MYCT1: variants seen among roughly 807,000 people sequenced by gnomAD.
MYCT1 encodes the protein myc target protein 1.
In MYCT1, 12 loss-of-function variants were observed where a neutral mutation model predicts 15.0. The ratio of observed to expected loss-of-function variants is 0.80; its 90% CI spans 0.51 to 1.29. The LOEUF (loss-of-function observed/expected upper bound fraction) is 1.29. MYCT1 is among the 50% of genes most tolerant of loss of function. The pLI is 0.00. For synonymous variants in MYCT1, 104 were observed against 102.7 expected (o/e 1.01, Z -0.07); for missense variants, 287 against 279.1 (o/e 1.03, Z -0.20).
At position 152,698,962 on chromosome 6, in the gene MYCT1, T is replaced by C. The variant is rs537161950; in HGVS notation, c.196+864T>C. Among the ~76,000 whole-genome samples the C allele has an allele frequency of 3.9e-5, 6 of 152,218 alleles. No individual in the cohort carries two copies. In the South Asian group the frequency reaches 1.2e-3, roughly 32 times the overall value. The stretch of plus-strand genomic sequence containing the variant: ...TGGGGAGTTGACATGTACTCTTGGG[T>C]TCAGGGAAATTTTTATATTAAAGGA... On this transcript the variant is annotated intron_variant, in intron 1 of 1. Transcript: ENST00000367245.
rs2099724814 is a variant in MYCT1, at chr6:152,722,084, C to T, written c.539C>T (p.Thr180Ile). 6.2e-7 allele frequency: 1 copy of T among 1,614,038 alleles called. No individual in the cohort carries two copies. The highest frequency in any genetic ancestry group is 8.5e-7 in the Non-Finnish European group (1 of 1,180,022). ...FLQCPPLPVE[T>I]ESQLVTLPSS... Reference sequence around the variant, plus strand: ...CAATGTCCACCACTTCCTGTGGAAACTGAGAGTCAGCTGGTGACTCTCCCT... The same window carrying T: ...CAATGTCCACCACTTCCTGTGGAAATTGAGAGTCAGCTGGTGACTCTCCCT... The change falls in exon 2 of 2, where the codon ACT becomes ATT. Residue 180 changes from threonine to isoleucine, a missense_variant. Physicochemically the swap from Thr to Ile is moderately conservative, Grantham distance 89. Coordinates refer to ENST00000367245, the MANE Select transcript of MYCT1 (RefSeq NM_025107.3).
the MYCT1 span, among the ~76,000 whole-genome samples, chr6:152,745,025 G>A: frequency 1.3e-5 from 2 of 152,264 alleles, no homozygotes; most frequent in East Asian, 3.9e-4. Context: ...TGGAACAACT[G>A]AAGAACAAAG....
chr6:152,720,903 T>C lies in MYCT1; in HGVS notation c.197-839T>C, dbSNP rs191467086. Reference sequence around the variant, plus strand: ...CTAGTTTCATTCAAGAATATGTATTTAGTTTACAAGAGGCAGTAAGGTAGC... The same window carrying C: ...CTAGTTTCATTCAAGAATATGTATTCAGTTTACAAGAGGCAGTAAGGTAGC... On this transcript the variant is annotated intron_variant, in intron 1 of 1. Transcript: ENST00000367245. 1.2e-4 allele frequency among the ~76,000 whole-genome samples: 19 copies of C among 152,302 alleles called. No homozygotes were observed. In the East Asian group the frequency reaches 3.3e-3, roughly 26 times the overall value.
chr6:152,714,456 A>G (rs1443975209), intron 1 of MYCT1, among the ~76,000 whole-genome samples: 3 of 151,444 alleles, frequency 2.0e-5, no homozygotes, highest in Admixed American at 6.6e-5. Flanking sequence ...TTATTTTAAA[A>G]TGTATACCTA....
At chr6:152,734,666 ATT>A in the MYCT1 span, among the ~76,000 whole-genome samples, 3 of 147,030 alleles carry the variant, frequency 2.0e-5, no homozygotes, top group East Asian at 5.9e-4. Flanking sequence ...ATGCTTTGAC[ATT>A]TTTTTTTTTA....
rs78207563 is a variant in MYCT1 at position 152,701,392 on chromosome 6, C to G, written c.196+3294C>G. ...GAAAAGAACGTCTTGGCTAGAGATT[C>G]TGTGTGTGGTCGTTTCAGGGACATA... On this transcript the variant is annotated intron_variant, in intron 1 of 1. Transcript: ENST00000367245. 9.3e-4 allele frequency among the ~76,000 whole-genome samples: 141 copies of G among 152,318 alleles called. 1 individual carries two copies. In the East Asian group the frequency reaches 0.026, roughly 28 times the overall value.
the MYCT1 span, among the ~76,000 whole-genome samples, chr6:152,735,121 A>G: frequency 6.6e-6 from 1 of 152,218 alleles, no homozygotes; most frequent in Non-Finnish European, 1.5e-5. Context: ...GGAGAATAAA[A>G]CATACAAAGA....
chr6:152,699,891 C>T (rs914430414), intron 1 of MYCT1, among the ~76,000 whole-genome samples: 1 of 151,786 alleles, frequency 6.6e-6, no homozygotes, highest in Non-Finnish European at 1.5e-5. Flanking sequence ...GAATTAAAAC[C>T]TGTTATTTCA....
chr6:152,715,728 A>G (rs553461583), intron 1 of MYCT1, among the ~76,000 whole-genome samples: 1 of 152,304 alleles, frequency 6.6e-6, no homozygotes, highest in African/African-American at 2.4e-5. Flanking sequence ...AAAAGACCTG[A>G]AATTAACCAT....
chr6:152,698,163 AT>A, intron 1 of MYCT1, 65 bp downstream of exon 1: 1 of 914,278 alleles, frequency 1.1e-6, no homozygotes, highest in East Asian at 2.8e-5. Flanking sequence ...CTGCGTGATT[AT>A]TAAAACAGTG....
At chr6:152,743,165 G>T in the MYCT1 span, among the ~76,000 whole-genome samples, 8 of 151,990 alleles carry the variant, frequency 5.3e-5, no homozygotes, top group East Asian at 1.6e-3. Flanking sequence ...AAGCAATTCT[G>T]CTTAATTCTC....
intron 1 of MYCT1, among the ~76,000 whole-genome samples, chr6:152,714,096 C>G (rs1379456273): frequency 1.3e-5 from 2 of 151,992 alleles, no homozygotes; most frequent in African/African-American, 4.8e-5. Flanking sequence ...GTTTTTATTG[C>G]CTGTATCTGT....
At chr6:152,742,376 G>A in the MYCT1 span, among the ~76,000 whole-genome samples, 2 of 152,090 alleles carry the variant, frequency 1.3e-5, no homozygotes, top group Admixed American at 6.5e-5. Flanking sequence ...GAGAGAATAC[G>A]GTACTTTTGA....
the MYCT1 span, among the ~76,000 whole-genome samples, chr6:152,731,096 A>G: frequency 2.6e-5 from 4 of 152,152 alleles, no homozygotes; most frequent in Admixed American, 1.3e-4. Context: ...CATACACAAG[A>G]CAGAAGACAT....
intron 1 of MYCT1, among the ~76,000 whole-genome samples, chr6:152,701,589 G>T (rs1478548686): frequency 6.6e-6 from 1 of 152,060 alleles, no homozygotes; most frequent in Non-Finnish European, 1.5e-5. Flanking sequence ...TGGAGGGGTG[G>T]AGGGGTTATA....
the MYCT1 span, among the ~76,000 whole-genome samples, chr6:152,738,123 AAC>A: frequency 6.6e-6 from 1 of 152,100 alleles, no homozygotes; most frequent in African/African-American, 2.4e-5. Context: ...CAGCTATATA[AAC>A]ACAAATATAA....
chr6:152,698,791 A>G (rs1348663106), intron 1 of MYCT1, among the ~76,000 whole-genome samples: 2 of 152,232 alleles, frequency 1.3e-5, no homozygotes, highest in African/African-American at 4.8e-5. Context: ...GGGGGAAAGA[A>G]CAATACAAAA....
Position 152,698,103 on chromosome 6 carries a change from G to T in MYCT1, c.196+5G>T, listed in dbSNP as rs749653619. On this transcript the variant is annotated splice_donor_5th_base_variant and intron_variant, in intron 1 of 1. Coordinates refer to ENST00000367245, the MANE Select transcript of MYCT1 (RefSeq NM_025107.3). ...CATGGCCAGAAAACTTTTGGGGTAA[G>T]GTATTTTCTTTTACTGTTTAAAATT... 6.6e-7 allele frequency: 1 copy of T among 1,525,726 alleles called. No individual in the cohort carries two copies. Among genetic ancestry groups the T allele is most frequent in the Non-Finnish European group, 8.8e-7 (1 of 1,141,748 alleles). 94.5% of individuals were successfully genotyped at this position (1,525,726 alleles called of 1,614,324 possible). A position where few individuals can be genotyped will look rare whatever the true frequency, so the allele number is the denominator to read the frequency against.
At chr6:152,735,884 T>C in the MYCT1 span, among the ~76,000 whole-genome samples, 2 of 152,120 alleles carry the variant, frequency 1.3e-5, no homozygotes, top group Non-Finnish European at 2.9e-5. Flanking sequence ...AATGTAACAG[T>C]TAAAAGAAAA....
Sources: allele counts gnomAD v4.1 joint callset (sites outside exome capture counted in the v4.1 genomes callset), GRCh38; gene constraint gnomAD v4.1.1; transcripts MANE v1.5; gene names NCBI Gene and HGNC (gene_info 2026-07-23, HGNC 2026-07-21).